The following RPH3A variants were observed in gnomAD, a reference collection of about 807,000 sequenced individuals.
The protein encoded by RPH3A is rabphilin 3A, also known as rabphilin-3A.
In RPH3A, 48 loss-of-function variants were observed where a neutral mutation model predicts 102.2. That is an observed-to-expected ratio of 0.47 (90% CI 0.37 to 0.60). The LOEUF is 0.60. Among genes scored for constraint, RPH3A ranks in the 20% least tolerant of loss-of-function variants. RPH3A has a pLI of 0.00. For synonymous variants in RPH3A, 310 were observed against 324.3 expected (o/e 0.96, Z 0.47); for missense variants, 781 against 910.1 (o/e 0.86, Z 1.83).
intron 1 of RPH3A, among the ~76,000 whole-genome samples, chr12:112,734,508 G>A (rs910261099): frequency 3.3e-5 from 5 of 152,182 alleles, no homozygotes; most frequent in African/African-American, 1.2e-4. Context: ...GAGGGTTCTT[G>A]GATCTTGCTT....
intron 20 of RPH3A, among the ~76,000 whole-genome samples, chr12:112,895,040 A>G (rs2043157005): frequency 6.6e-6 from 1 of 152,138 alleles, no homozygotes; most frequent in Admixed American, 6.5e-5. Context: ...TAGGCAGAGA[A>G]GCTATTTTTT....
chr12:112,751,967 A>C (rs2040788508), intron 1 of RPH3A, among the ~76,000 whole-genome samples: 1 of 152,178 alleles, frequency 6.6e-6, no homozygotes, highest in Non-Finnish European at 1.5e-5. Context: ...AGTAAATTTA[A>C]ATTTAAAGCA....
intron 1 of RPH3A, among the ~76,000 whole-genome samples, chr12:112,600,989 A>G (rs1272352584): frequency 6.6e-6 from 1 of 152,196 alleles, no homozygotes; most frequent in Non-Finnish European, 1.5e-5. Context: ...CCAGATGCTT[A>G]TAAAACCATT....
intron 1 of RPH3A, among the ~76,000 whole-genome samples, chr12:112,758,212 T>C (rs2040833884): frequency 6.6e-6 from 1 of 152,132 alleles, no homozygotes; most frequent in South Asian, 2.1e-4. Context: ...AAATGGGTGG[T>C]TCAAAGATGC....
At chr12:112,729,654 T>C (rs1034627273) in intron 1 of RPH3A, among the ~76,000 whole-genome samples, 4 of 152,156 alleles carry the variant, frequency 2.6e-5, no homozygotes, top group African/African-American at 9.7e-5. Context: ...TGGAGGAAGG[T>C]GAACTGCTAA....
chr12:112,712,997 TC>T (rs2040482193), intron 1 of RPH3A, among the ~76,000 whole-genome samples: 5 of 77,804 alleles, frequency 6.4e-5, no homozygotes, highest in Non-Finnish European at 1.2e-4. Context: ...GTCTTTGTCT[TC>T]CTCTTCCTCT....
chr12:112,866,712 A>G (rs1443278985), intron 6 of RPH3A, 45 bp from the exon 7 acceptor site: 2 of 1,542,132 alleles, frequency 1.3e-6, no homozygotes, highest in Non-Finnish European at 1.8e-6. Context: ...CATGCCTCCC[A>G]TGAGCATGGC....
Position 112,881,838 on chromosome 12 carries a change from G to C in RPH3A, c.1318G>C (p.Ala440Pro). Residue 440 changes from alanine (A) to proline (P), a missense_variant, in exon 15 of 22, where the codon GCC becomes CCC. This residue lies in a region of RPH3A where 730 missense variants were observed against 810.0 expected (regional missense o/e 0.90). Transcript: ENST00000389385. The part of the protein sequence containing the change: ...PYVKLHLLPG[A>P]SKSNKLRTKT... ...CGTTAAGCTGCACCTCCTGCCGGGA[G>C]CCAGCAAGGTACCATATGGCCTGGG... is the stretch of plus-strand genomic sequence containing the variant. The C allele has an allele frequency of 6.2e-7, 1 of 1,611,930 alleles. No individual in the cohort carries two copies. The highest frequency in any genetic ancestry group is 8.5e-7 in the Non-Finnish European group (1 of 1,178,684).
rs1344196289 is a variant in RPH3A, at chr12:112,897,292, G to A, written c.*512G>A. 6.3e-6 allele frequency: 1 copy of A among 158,132 alleles called. No individual in the cohort carries two copies. Among genetic ancestry groups the A allele is most frequent in the African/African-American group, 2.4e-5 (1 of 41,574 alleles). 9.8% of individuals were successfully genotyped at this position (158,132 alleles called of 1,614,324 possible). On this transcript the variant is annotated 3_prime_UTR_variant, in exon 22 of 22. Coordinates refer to ENST00000389385, the MANE Select transcript of RPH3A (RefSeq NM_001143854.2). ...CCTCCGGGCTCCCACTGCCCCCTGAGATGTACACCCTGATTGCCAGGAAAA... is the reference window on the plus strand; with the variant it reads ...CCTCCGGGCTCCCACTGCCCCCTGAAATGTACACCCTGATTGCCAGGAAAA...
At chr12:112,788,653 A>G (rs1205505795), upstream of RPH3A, among the ~76,000 whole-genome samples, 2 of 152,356 alleles carry the variant, frequency 1.3e-5, no homozygotes, top group Non-Finnish European at 1.5e-5. Context: ...GTGTCTAGGT[A>G]TGCAGCAGGT....
intron 1 of RPH3A, among the ~76,000 whole-genome samples, chr12:112,614,789 T>C (rs2039666048): frequency 6.6e-6 from 1 of 150,942 alleles, no homozygotes; most frequent in Non-Finnish European, 1.5e-5. Context: ...CTACTAGTAC[T>C]ATTATTATCT....
At chr12:112,718,724 T>C (rs921230388) in intron 1 of RPH3A, among the ~76,000 whole-genome samples, 1 of 152,220 alleles carries the variant, frequency 6.6e-6, no homozygotes, top group African/African-American at 2.4e-5. Context: ...GAAAGCAACA[T>C]GTGATTCTCT....
rs536379992 is a variant in RPH3A at position 112,825,813 on chromosome 12, A to G, written c.-18-2488A>G. Among the ~76,000 whole-genome samples the G allele has an allele frequency of 1.9e-4, 29 of 152,322 alleles. No individual in the cohort carries two copies. In the South Asian group the frequency reaches 5.8e-3, roughly 30 times the overall value. On this transcript the variant is annotated intron_variant, in intron 2 of 21. Coordinates refer to ENST00000389385, the MANE Select transcript of RPH3A (RefSeq NM_001143854.2). ...CATAAAAATAAACAACTTATATTAA[A>G]TTGGGGTAGTGATAAGAGCTAGGAG...
intron 5 of RPH3A, among the ~76,000 whole-genome samples, chr12:112,856,460 T>A (rs1289096184): frequency 1.3e-5 from 2 of 149,806 alleles, no homozygotes; most frequent in African/African-American, 5.0e-5. Flanking sequence ...TATTCTTGCA[T>A]GTAGGTTCTG....
At chr12:112,731,719 A>AT (rs1366284477) in intron 1 of RPH3A, among the ~76,000 whole-genome samples, 2 of 151,964 alleles carry the variant, frequency 1.3e-5, no homozygotes, top group African/African-American at 4.8e-5. Context: ...CATTTGGGGG[A>AT]TTTTTCCCTT....
At chr12:112,618,157 G>C (rs574023) in intron 1 of RPH3A, among the ~76,000 whole-genome samples, 12,559 of 152,184 alleles carry the variant, frequency 0.083, 731 homozygotes, top group Admixed American at 0.18. Flanking sequence ...CACAGCACTG[G>C]GGAGCAATGC....
At chr12:112,600,896 G>C (rs2039553317) in intron 1 of RPH3A, among the ~76,000 whole-genome samples, 1 of 152,198 alleles carries the variant, frequency 6.6e-6, no homozygotes, top group Non-Finnish European at 1.5e-5. Context: ...TGGCTGGGGA[G>C]GCCTCAGGAA....
At chr12:112,882,594 C>T (rs1222567035) in intron 15 of RPH3A, among the ~76,000 whole-genome samples, 4 of 152,202 alleles carry the variant, frequency 2.6e-5, no homozygotes, top group Non-Finnish European at 5.9e-5. Flanking sequence ...AACACACACG[C>T]GTATACTTTG....
chr12:112,711,889 A>G (rs963136871), intron 1 of RPH3A, among the ~76,000 whole-genome samples: 12 of 152,098 alleles, frequency 7.9e-5, no homozygotes, highest in African/African-American at 2.9e-4. Context: ...CTGGAGTGCA[A>G]TGGTGCGATC....
Sources: gnomAD v4.1 joint callset for allele counts (sites outside exome capture counted in the v4.1 genomes callset) on GRCh38, gnomAD v4.1.1 for gene constraint, gnomAD v4.1.1 regional missense constraint, MANE v1.5 for transcripts, NCBI Gene and HGNC (gene_info 2026-07-23, HGNC 2026-07-21) for gene names.